HLTF: variants seen among roughly 807,000 people sequenced by gnomAD.
The protein encoded by HLTF is DNA-dependent ATPase/E3 ubiquitin-protein ligase HLTF.
Under a neutral mutation model 129.4 loss-of-function variants are expected in HLTF, and 127 were observed. The observed-to-expected ratio is 0.98, with a 90% confidence interval of 0.85 to 1.14. The LOEUF (loss-of-function observed/expected upper bound fraction) is 1.14. Among genes scored for constraint, HLTF ranks in the 50% most tolerant of loss-of-function variants. The probability of loss-of-function intolerance (pLI) is 0.00; values close to 1 mark genes in which losing one functional copy is unlikely to be tolerated. For synonymous variants in HLTF, 332 were observed against 388.8 expected (o/e 0.85, Z 1.72); for missense variants, 1,139 against 1,187.1 (o/e 0.96, Z 0.60).
rs562172951 is a variant in HLTF, at chr3:149,077,592, C to T, written c.229-1545G>A. ...AAACAAAAAGGCTTATAAAGAAGAG[C>T]TAGGGAATGAGATGTCTGTGAGGGC... On this transcript the variant is annotated intron_variant, in intron 2 of 24. Transcript: ENST00000310053. Among the ~76,000 whole-genome samples, 27 of 151,158 alleles carry T rather than the reference C, an allele frequency of 1.8e-4. 1 individual carries two copies. In the South Asian group the frequency reaches 5.7e-3, roughly 32 times the overall value.
intron 8 of HLTF, among the ~76,000 whole-genome samples, chr3:149,067,120 T>C (rs1284818528): frequency 1.3e-5 from 2 of 151,862 alleles, no homozygotes; most frequent in African/African-American, 4.8e-5. Context: ...TTTTTCTCAC[T>C]AAACTAATTT....
rs561656055 is a variant in HLTF at position 149,079,364 on chromosome 3, G to C, written c.229-3317C>G. ...AGACCAGCCTGGGCAAAAGGGTAAC[G>C]ACAGTTTCTAAAAAAAAAAAAAAAA... is the stretch of plus-strand genomic sequence containing the variant. On this transcript the variant is annotated intron_variant, in intron 2 of 24. Coordinates refer to ENST00000310053, the MANE Select transcript of HLTF (RefSeq NM_003071.4). Among the ~76,000 whole-genome samples, 4 of 28,210 alleles carry C rather than the reference G, an allele frequency of 1.4e-4. No homozygotes were observed. The Admixed American group carries it at 1.9e-3, about 13-fold the overall frequency. 18.5% of individuals were successfully genotyped at this position (28,210 alleles called of 152,430 possible).
intron 7 of HLTF, among the ~76,000 whole-genome samples, chr3:149,070,792 C>T (rs1718783520): frequency 6.6e-6 from 1 of 152,094 alleles, no homozygotes; most frequent in Non-Finnish European, 1.5e-5. Context: ...CATCTGTAAC[C>T]CCAGCACTTT....
chr3:149,039,404 G>A (rs1401928836), intron 22 of HLTF, among the ~76,000 whole-genome samples, 175 bp from the exon 23 acceptor site: 1 of 152,054 alleles, frequency 6.6e-6, no homozygotes, highest in East Asian at 1.9e-4. Context: ...GATAAATTCA[G>A]GACTTAATCT....
chr3:149,061,560 G>C (rs2108019306), intron 10 of HLTF, among the ~76,000 whole-genome samples: 1 of 152,184 alleles, frequency 6.6e-6, no homozygotes, highest in East Asian at 1.9e-4. Flanking sequence ...TCGTGGCCAG[G>C]CACGGTGGCT....
chr3:149,079,469 CA>C, intron 2 of HLTF, among the ~76,000 whole-genome samples: 1 of 69,516 alleles, frequency 1.4e-5, no homozygotes, highest in East Asian at 4.5e-4. Flanking sequence ...TGTCCTATCT[CA>C]TTAAAAAGTA....
At chr3:149,078,478 A>C (rs1719577814) in intron 2 of HLTF, among the ~76,000 whole-genome samples, 1 of 152,172 alleles carries the variant, frequency 6.6e-6, no homozygotes, top group Non-Finnish European at 1.5e-5. Flanking sequence ...TGAATGCAGG[A>C]GTTCAAGGTT....
intron 3 of HLTF, 64 bp from the exon 4 acceptor site, chr3:149,074,412 T>C: frequency 6.9e-7 from 1 of 1,447,162 alleles, no homozygotes; most frequent in South Asian, 1.4e-5. Flanking sequence ...CCACTAAGAA[T>C]TAGTTCAATA....
chr3:149,071,245 T>TA lies in HLTF; in HGVS notation c.894+6dup, dbSNP rs1200196361. On this transcript the variant is annotated splice_region_variant and intron_variant, in intron 7 of 24. Coordinates refer to ENST00000310053, the MANE Select transcript of HLTF (RefSeq NM_003071.4). ...AGATTTTATTAACTAAAGAAAAAAA[T>TA]AATTACCAAACCCATATCATCAGCT... The TA allele has an allele frequency of 1.3e-6, 2 of 1,506,472 alleles. No individual in the cohort carries two copies. The highest frequency in any genetic ancestry group is 2.6e-5 in the South Asian group (2 of 76,412). The allele number at this position is 1,506,472 out of a possible 1,614,324, so 93.3% of individuals were successfully genotyped here.
intron 10 of HLTF, chr3:149,063,196 A>C (rs986852268): frequency 1.4e-5 from 6 of 444,038 alleles, no homozygotes; most frequent in Admixed American, 6.1e-5. Flanking sequence ...GGTAACTGGG[A>C]CTACAGGCGC....
Position 149,063,524 on chromosome 3 carries a change from T to G in HLTF, c.1067A>C (p.Asp356Ala). ...TSEKADGLSKDASRCSEQPSI... is the reference protein window; with the variant it reads ...TSEKADGLSKAASRCSEQPSI... ...GGGTTGTTCACTACATCTAGATGCG[T>G]CTATTTCAAAGAAAAATGCAAATAT... The change falls in exon 10 of 25, where the codon GAC becomes GCC. Residue 356 changes from aspartate (D) to alanine (A), a missense_variant and splice_region_variant. By Grantham distance (126) the Asp-to-Ala change is moderately radical. Coordinates refer to ENST00000310053, the MANE Select transcript of HLTF (RefSeq NM_003071.4). The G allele has an allele frequency of 6.4e-7, 1 of 1,574,792 alleles. No homozygotes were observed. The highest frequency in any genetic ancestry group is 1.4e-5 in the African/African-American group (1 of 74,020).
intron 21 of HLTF, 40 bp from the exon 22 acceptor site, chr3:149,039,733 A>T: frequency 9.6e-7 from 1 of 1,041,622 alleles, no homozygotes; most frequent in Non-Finnish European, 1.4e-6. Context: ...TTCCATTTTA[A>T]ATCAGTAAAA....
chr3:149,053,019 C>G (rs1717124875), intron 14 of HLTF, among the ~76,000 whole-genome samples: 1 of 152,122 alleles, frequency 6.6e-6, no homozygotes. Flanking sequence ...ATATCCAGAA[C>G]AAATATGTGG....
At position 149,031,638 on chromosome 3, in the gene HLTF, C is replaced by A. The variant is rs1307938533; in HGVS notation, c.*582G>T. 2.0e-5 allele frequency: 3 copies of A among 152,184 alleles called. No homozygotes were observed. The allele number at this position is 152,184 out of a possible 1,614,324, so 9.4% of individuals were successfully genotyped here. A position where few individuals can be genotyped will look rare whatever the true frequency, so the allele number is the denominator to read the frequency against. ...TTTTCATGAACATAAAACTCCAAGT[C>A]ATTTATGTGAACTATATCTCAATGT... On this transcript the variant is annotated 3_prime_UTR_variant, in exon 25 of 25. Coordinates refer to ENST00000310053, the MANE Select transcript of HLTF (RefSeq NM_003071.4).
intron 3 of HLTF, among the ~76,000 whole-genome samples, 158 bp downstream of exon 3, chr3:149,075,723 T>C (rs1719288881): frequency 2.0e-5 from 3 of 152,118 alleles, no homozygotes; most frequent in Non-Finnish European, 4.4e-5. Context: ...GTAGTAGAAG[T>C]ATGTAAAAGG....
chr3:149,085,724 G>C (rs1328999374), intron 1 of HLTF, among the ~76,000 whole-genome samples: 1 of 152,110 alleles, frequency 6.6e-6, no homozygotes, highest in Non-Finnish European at 1.5e-5. Context: ...TTCCGTCGCC[G>C]GTTTAAGCAT....
At chr3:149,043,096 CAA>C (rs202075733) in intron 18 of HLTF, among the ~76,000 whole-genome samples, 2 of 136,244 alleles carry the variant, frequency 1.5e-5, no homozygotes. Context: ...ACAATTCCTC[CAA>C]AAAAAAAAAA....
chr3:149,032,461 T>A, intron 24 of HLTF, 89 bp from the exon 25 acceptor site: 1 of 788,980 alleles, frequency 1.3e-6, no homozygotes, highest in Non-Finnish European at 1.9e-6. Flanking sequence ...ATTTGCCTAA[T>A]GGCAAAAACC....
At chr3:149,041,727 CTA>C in intron 19 of HLTF, 59 bp from the exon 20 acceptor site, 1 of 1,242,460 alleles carries the variant, frequency 8.0e-7, no homozygotes, top group Non-Finnish European at 1.2e-6. Context: ...ACAAGTTAAT[CTA>C]TCTTATAAGG....
Sources: allele counts gnomAD v4.1 joint callset (sites outside exome capture counted in the v4.1 genomes callset), GRCh38; gene constraint gnomAD v4.1.1; transcripts MANE v1.5; gene names NCBI Gene and HGNC (gene_info 2026-07-23, HGNC 2026-07-21).